Variants in CCDC171 observed in about 807,000 individuals in gnomAD.
CCDC171 encodes coiled-coil domain containing 171.
CCDC171 carries 177 observed loss-of-function variants against 168.2 expected under a neutral mutation model. The ratio of observed to expected loss-of-function variants is 1.05; its 90% CI spans 0.93 to 1.19. The LOEUF is 1.19. Ranked by LOEUF, CCDC171 falls within the 50% of genes most tolerant of loss-of-function variation. CCDC171 has a pLI of 0.00. For missense variants in CCDC171, 1,991 were observed against 1,539.0 expected (o/e 1.29, Z -4.91); for synonymous variants, 687 against 540.8 (o/e 1.27, Z -3.75).
chr9:16,083,837 T>C, the CCDC171 span, among the ~76,000 whole-genome samples: 14 of 152,212 alleles, frequency 9.2e-5, no homozygotes, highest in African/African-American at 2.7e-4. Flanking sequence ...GAATTCCCTC[T>C]TGTGATTTCA....
chr9:15,639,523 A>G (rs1389119061), intron 7 of CCDC171, among the ~76,000 whole-genome samples: 3 of 152,064 alleles, frequency 2.0e-5, no homozygotes, highest in Non-Finnish European at 4.4e-5. Flanking sequence ...AGAAGTAATA[A>G]AACTTTTTCT....
intron 23 of CCDC171, among the ~76,000 whole-genome samples, 196 bp downstream of exon 23, chr9:15,849,143 C>G (rs534818008): frequency 2.6e-5 from 4 of 151,646 alleles, no homozygotes; most frequent in African/African-American, 9.6e-5. Flanking sequence ...CTTTATATAT[C>G]TATAAAACTA....
the CCDC171 span, among the ~76,000 whole-genome samples, chr9:16,076,097 G>T: frequency 6.6e-6 from 1 of 152,066 alleles, no homozygotes; most frequent in South Asian, 2.1e-4. Context: ...AGGTAGAGGG[G>T]TGAATGCTCT....
chr9:15,764,790 A>G (rs1365353149), intron 18 of CCDC171, among the ~76,000 whole-genome samples: 2 of 152,146 alleles, frequency 1.3e-5, no homozygotes, highest in Admixed American at 6.6e-5. Context: ...AGTGATTTTA[A>G]CCCTGGTTGT....
chr9:15,772,365 G>GT (rs1405892056), intron 18 of CCDC171, among the ~76,000 whole-genome samples: 2 of 149,772 alleles, frequency 1.3e-5, no homozygotes, highest in Non-Finnish European at 3.0e-5. Flanking sequence ...TTTTTTTGTC[G>GT]TTTTCTGGGC....
At chr9:15,937,521 T>C (rs1410722933) in intron 25 of CCDC171, among the ~76,000 whole-genome samples, 3 of 151,982 alleles carry the variant, frequency 2.0e-5, no homozygotes, top group Non-Finnish European at 4.4e-5. Context: ...TCCAATTCCA[T>C]TGTATTTTAG....
intron 21 of CCDC171, among the ~76,000 whole-genome samples, chr9:15,828,429 T>A (rs1056442867): frequency 1.3e-5 from 2 of 152,180 alleles, no homozygotes; most frequent in African/African-American, 4.8e-5. Flanking sequence ...AGGTGTTTAG[T>A]TTGAATCTAT....
At chr9:15,987,746 T>A (rs1383572590) in intron 3 of CCDC171, among the ~76,000 whole-genome samples, 1 of 150,512 alleles carries the variant, frequency 6.6e-6, no homozygotes. Flanking sequence ...AGAAGTGTTT[T>A]AGATTTGGGA....
At chr9:15,644,922 C>G (rs2046916854) in intron 7 of CCDC171, among the ~76,000 whole-genome samples, 4 of 152,228 alleles carry the variant, frequency 2.6e-5, no homozygotes, top group Admixed American at 2.0e-4. Context: ...AGTTTGAGAT[C>G]TGAGAACAAA....
chr9:15,739,437 A>T (rs774037197), intron 16 of CCDC171, among the ~76,000 whole-genome samples: 3 of 152,186 alleles, frequency 2.0e-5, no homozygotes, highest in African/African-American at 4.8e-5. Context: ...TTCAGTAAAG[A>T]CAAAAAAGTT....
intron 18 of CCDC171, among the ~76,000 whole-genome samples, chr9:15,746,734 C>T (rs934212433): frequency 6.6e-6 from 1 of 152,180 alleles, no homozygotes; most frequent in East Asian, 1.9e-4. Flanking sequence ...CCTTGTTCAT[C>T]TCACTGAGAC....
chr9:15,559,676 C>T (rs958123642), intron 1 of CCDC171, among the ~76,000 whole-genome samples: 1 of 152,104 alleles, frequency 6.6e-6, no homozygotes, highest in East Asian at 1.9e-4. Context: ...TGGGTCTTGA[C>T]TGTATCCAAT....
At chr9:16,086,937 T>G in the CCDC171 span, among the ~76,000 whole-genome samples, 45 of 152,338 alleles carry the variant, frequency 3.0e-4, no homozygotes, top group African/African-American at 9.9e-4. Flanking sequence ...TGTGTCTTTG[T>G]TCTCATTGGT....
At chr9:15,671,805 A>G (rs1207062192) in intron 9 of CCDC171, among the ~76,000 whole-genome samples, 3 of 152,212 alleles carry the variant, frequency 2.0e-5, no homozygotes, top group Admixed American at 2.0e-4. Context: ...TAGTGCCGCA[A>G]TAAACATACA....
chr9:15,943,725 C>T (rs182926698), intron 25 of CCDC171, among the ~76,000 whole-genome samples: 83 of 151,784 alleles, frequency 5.5e-4, no homozygotes, highest in African/African-American at 1.9e-3. Flanking sequence ...TTTATGCAGG[C>T]AAGGTAGTTG....
intron 18 of CCDC171, among the ~76,000 whole-genome samples, chr9:15,752,964 T>C (rs1382007565): frequency 6.6e-6 from 1 of 152,192 alleles, no homozygotes; most frequent in Admixed American, 6.6e-5. Context: ...GATTGGTTTC[T>C]TAAGCTATCT....
At chr9:15,752,145 A>T (rs527778470) in intron 18 of CCDC171, among the ~76,000 whole-genome samples, 77 of 152,372 alleles carry the variant, frequency 5.1e-4, no homozygotes, top group African/African-American at 1.5e-3. Context: ...ACCAACAAAC[A>T]TGAAAAAATG....
Position 15,921,734 on chromosome 9 carries a change from T to C in CCDC171, c.3753+1312T>C, listed in dbSNP as rs957798541. On this transcript the variant is annotated intron_variant, in intron 25 of 25. Coordinates refer to ENST00000380701, the MANE Select transcript of CCDC171 (RefSeq NM_173550.4). ...TTTCTTAATGAGAGATTAGTAAATT[T>C]GACCTCCACCAAGAGAAATTAAAAT... 3.3e-5 allele frequency among the ~76,000 whole-genome samples: 5 copies of C among 151,728 alleles called. No individual in the cohort carries two copies. The Admixed American group carries it at 3.3e-4, about 10-fold the overall frequency.
chr9:16,016,875 C>T (rs990186387), intron 3 of CCDC171, among the ~76,000 whole-genome samples: 1 of 152,178 alleles, frequency 6.6e-6, no homozygotes, highest in Non-Finnish European at 1.5e-5. Context: ...TGGTGTTCTT[C>T]CTTTACTGCC....
Sources: gnomAD v4.1 joint callset for allele counts (sites outside exome capture counted in the v4.1 genomes callset) on GRCh38, gnomAD v4.1.1 for gene constraint, MANE v1.5 for transcripts, NCBI Gene and HGNC (gene_info 2026-07-23, HGNC 2026-07-21) for gene names.